The following OR10AD1 variants were observed in gnomAD, a reference collection of about 807,000 sequenced individuals.
OR10AD1 encodes the protein olfactory receptor family 10 subfamily AD member 1, also known as olfactory receptor 10AD1.
For missense variants in OR10AD1, 309 were observed against 192.7 expected, an observed-to-expected ratio of 1.60 and a Z score of -3.57; for synonymous variants, 115 against 72.2, an observed-to-expected ratio of 1.59 and a Z score of -3.00.
Position 48,202,524 on chromosome 12 carries a change from T to A in OR10AD1, c.769A>T (p.Met257Leu), listed in dbSNP as rs1012730751. The part of the protein sequence containing the change: ...TVVIFLYTSA[M>L]FSYMNPHSTH... ...CTGTGGGGGTTCATGTAAGAGAACATAGCTGAAGTGTAGAGAAAGATGACC... is the reference window on the plus strand; with the variant it reads ...CTGTGGGGGTTCATGTAAGAGAACAAAGCTGAAGTGTAGAGAAAGATGACC... The change falls in exon 1 of 1, where the codon ATG becomes TTG. Residue 257 changes from methionine to leucine, a missense_variant. Coordinates refer to ENST00000310248, the MANE Select transcript of OR10AD1 (RefSeq NM_001004134.1). The A allele has an allele frequency of 1.3e-6, 1 of 780,898 alleles. No homozygotes were observed. Among genetic ancestry groups the A allele is most frequent in the Non-Finnish European group, 2.4e-6 (1 of 418,110 alleles). 48.4% of individuals were successfully genotyped at this position (780,898 alleles called of 1,614,324 possible).
In OR10AD1 at chr12:48,202,597, G is replaced by C; in HGVS notation, c.696C>G (p.Ser232=). 1 of 781,076 alleles carries C rather than the reference G, an allele frequency of 1.3e-6. No individual in the cohort carries two copies. 48.4% of individuals were successfully genotyped at this position (781,076 alleles called of 1,614,324 possible). The change falls in exon 1 of 1, where the codon TCC becomes TCG. Residue 232 remains serine (S), a synonymous_variant. Coordinates refer to ENST00000310248, the MANE Select transcript of OR10AD1 (RefSeq NM_001004134.1). ...ILATILSKAS[S]SGRGKTFSTC... ...TAGAGAAAGTCTTCCCCCGACCTGA[G>C]GAGGAGGCTTTGCTGAGGATGGTGG...
Position 48,202,775 on chromosome 12 carries a change from T to C in OR10AD1, c.518A>G (p.Asn173Ser), listed in dbSNP as rs373178248. ...ISFREPFRRDNHIESFFCEAP... is the reference protein window; with the variant it reads ...ISFREPFRRDSHIESFFCEAP... The stretch of plus-strand genomic sequence containing the variant: ...CTCACAGAAGAAGCTTTCTATGTGG[T>C]TGTCTCTGCGGAAGGGCTCTCGGAA... Residue 173 changes from asparagine (N) to serine (S), a missense_variant, in exon 1 of 1, where the codon AAC becomes AGC. Asn to Ser is a conservative substitution (Grantham distance 46). Coordinates refer to ENST00000310248, the MANE Select transcript of OR10AD1 (RefSeq NM_001004134.1). The C allele has an allele frequency of 3.8e-6, 3 of 780,802 alleles. No homozygotes were observed. The East Asian group carries it at 7.3e-5, about 19-fold the overall frequency. The allele number at this position is 780,802 out of a possible 1,614,324, so 48.4% of individuals were successfully genotyped here.
rs373178248 is a variant in OR10AD1, at chr12:48,202,775, T to A, written c.518A>T (p.Asn173Ile). The change falls in exon 1 of 1, where the codon AAC becomes ATC. Residue 173 changes from asparagine to isoleucine, a missense_variant. Asn to Ile is a moderately radical substitution (Grantham distance 149). Transcript: ENST00000310248. ...CTCACAGAAGAAGCTTTCTATGTGG[T>A]TGTCTCTGCGGAAGGGCTCTCGGAA... is the stretch of plus-strand genomic sequence containing the variant. ...ISFREPFRRD[N>I]HIESFFCEAP... The A allele has an allele frequency of 2.7e-5, 21 of 780,802 alleles. No individual in the cohort carries two copies. Among genetic ancestry groups the A allele is most frequent in the Non-Finnish European group, 4.3e-5 (18 of 418,062 alleles). 48.4% of individuals were successfully genotyped at this position (780,802 alleles called of 1,614,324 possible). A position where few individuals can be genotyped will look rare whatever the true frequency, so the allele number is the denominator to read the frequency against.
At position 48,202,815 on chromosome 12, in the gene OR10AD1, G is replaced by C. The variant is rs1951603862; in HGVS notation, c.478C>G (p.Leu160Val). The C allele has an allele frequency of 1.3e-6, 1 of 780,896 alleles. No homozygotes were observed. Among genetic ancestry groups the C allele is most frequent in the African/African-American group, 1.7e-5 (1 of 59,158 alleles). 48.4% of individuals were successfully genotyped at this position (780,896 alleles called of 1,614,324 possible). A position where few individuals can be genotyped will look rare whatever the true frequency, so the allele number is the denominator to read the frequency against. Residue 160 changes from leucine (L) to valine (V), a missense_variant, in exon 1 of 1, where the codon CTC becomes GTC. Leu to Val is a conservative substitution (Grantham distance 32). Transcript: ENST00000310248. ...WFFGLINGIF[L>V]EYISFREPFR... ...GGCTCTCGGAATGAAATATACTCGA[G>C]AAAGATGCCATTGATCAGCCCAAAG...
At position 48,202,678 on chromosome 12, in the gene OR10AD1, G is replaced by T. The variant is rs556517896; in HGVS notation, c.615C>A (p.Ile205=). 9 of 780,946 alleles carry T rather than the reference G, an allele frequency of 1.2e-5. No individual in the cohort carries two copies. Among genetic ancestry groups the T allele is most frequent in the African/African-American group, 1.7e-5 (1 of 59,126 alleles). The allele number at this position is 780,946 out of a possible 1,614,324, so 48.4% of individuals were successfully genotyped here. The part of the protein sequence containing the change: ...FSLWAIFADA[I]VVILSPMVLT... ...GCACCATGGGGCTGAGAATTACCAC[G>T]ATGGCATCGGCAAAGATTGCCCACA... The change falls in exon 1 of 1, where the codon ATC becomes ATA. Residue 205 remains isoleucine (I), a synonymous_variant. Transcript: ENST00000310248.
Position 48,202,857 on chromosome 12 carries a change from C to T in OR10AD1, c.436G>A (p.Val146Met). Residue 146 changes from valine (V) to methionine (M), a missense_variant, in exon 1 of 1, where the codon GTG becomes ATG. By Grantham distance (21) the Val-to-Met change is conservative. Transcript: ENST00000310248. ...AGCCCAAAGAACCAGGCAGTTCCCACAAGCCTGACACAGACCTTCTGGCTT... is the reference window on the plus strand; with the variant it reads ...AGCCCAAAGAACCAGGCAGTTCCCATAAGCCTGACACAGACCTTCTGGCTT... ...IISQKVCVRL[V>M]GTAWFFGLIN... 1.3e-6 allele frequency: 1 copy of T among 781,068 alleles called. No homozygotes were observed. Among genetic ancestry groups the T allele is most frequent in the Non-Finnish European group, 2.4e-6 (1 of 418,106 alleles). 48.4% of individuals were successfully genotyped at this position (781,068 alleles called of 1,614,324 possible). A position where few individuals can be genotyped will look rare whatever the true frequency, so the allele number is the denominator to read the frequency against.
Position 48,203,024 on chromosome 12 carries a change from T to C in OR10AD1, c.269A>G (p.Asp90Gly), listed in dbSNP as rs1474224007. 1 of 780,884 alleles carries C rather than the reference T, an allele frequency of 1.3e-6. No homozygotes were observed. Among genetic ancestry groups the C allele is most frequent in the Non-Finnish European group, 2.4e-6 (1 of 418,100 alleles). 48.4% of individuals were successfully genotyped at this position (780,884 alleles called of 1,614,324 possible). Reference sequence around the variant, plus strand: ...GCAACATACAAAGGAGACAATGTGGTCCCTGACCACGAGGTGGATCAACAT... The same window carrying C: ...GCAACATACAAAGGAGACAATGTGGCCCCTGACCACGAGGTGGATCAACAT... The part of the protein sequence containing the change: ...PQMLIHLVVR[D>G]HIVSFVCCMT... Residue 90 changes from aspartate to glycine, a missense_variant, in exon 1 of 1, where the codon GAC becomes GGC. Asp to Gly is a moderately conservative substitution (Grantham distance 94). Transcript: ENST00000310248.
rs192721781 is a variant in OR10AD1 at position 48,203,280 on chromosome 12, C to T, written c.13G>A (p.Gly5Ser). The change falls in exon 1 of 1, where the codon GGC becomes AGC. Residue 5 changes from glycine to serine, a missense_variant. By Grantham distance (56) the Gly-to-Ser change is moderately conservative. Coordinates refer to ENST00000310248, the MANE Select transcript of OR10AD1 (RefSeq NM_001004134.1). ...AGGATAAATTCCGTCACTATGCTGC[C>T]ATTCCTTAGCATCTGGGGCCTGTTT... MLRN[G>S]SIVTEFILVG... 5.1e-6 allele frequency: 4 copies of T among 779,678 alleles called. No individual in the cohort carries two copies. The highest frequency in any genetic ancestry group is 1.7e-5 in the African/African-American group (1 of 59,242). 48.3% of individuals were successfully genotyped at this position (779,678 alleles called of 1,614,324 possible).
In OR10AD1 at chr12:48,202,865, A is replaced by G. The variant is rs1951604333; in HGVS notation, c.428T>C (p.Val143Ala). 1.3e-6 allele frequency: 1 copy of G among 781,100 alleles called. No individual in the cohort carries two copies. Among genetic ancestry groups the G allele is most frequent in the South Asian group, 1.3e-5 (1 of 74,620 alleles). The allele number at this position is 781,100 out of a possible 1,614,324, so 48.4% of individuals were successfully genotyped here. The change falls in exon 1 of 1, where the codon GTC becomes GCC. Residue 143 changes from valine (V) to alanine (A), a missense_variant. By Grantham distance (64) the Val-to-Ala change is moderately conservative (BLOSUM62 0). Coordinates refer to ENST00000310248, the MANE Select transcript of OR10AD1 (RefSeq NM_001004134.1). The part of the protein sequence containing the change: ...YVPIISQKVC[V>A]RLVGTAWFFG... Reference sequence around the variant, plus strand: ...GAACCAGGCAGTTCCCACAAGCCTGACACAGACCTTCTGGCTTATGATCGG... The same window carrying G: ...GAACCAGGCAGTTCCCACAAGCCTGGCACAGACCTTCTGGCTTATGATCGG...
rs1281578304 is a variant in OR10AD1 at position 48,202,812 on chromosome 12, C to G, written c.481G>C (p.Glu161Gln). 3.8e-6 allele frequency: 3 copies of G among 780,898 alleles called. No homozygotes were observed. The highest frequency in any genetic ancestry group is 7.2e-6 in the Non-Finnish European group (3 of 418,044). 48.4% of individuals were successfully genotyped at this position (780,898 alleles called of 1,614,324 possible). ...AAGGGCTCTCGGAATGAAATATACTCGAGAAAGATGCCATTGATCAGCCCA... is the reference window on the plus strand; with the variant it reads ...AAGGGCTCTCGGAATGAAATATACTGGAGAAAGATGCCATTGATCAGCCCA... ...FFGLINGIFL[E>Q]YISFREPFRR... The change falls in exon 1 of 1, where the codon GAG (glutamate) becomes CAG (glutamine). Residue 161 changes from glutamate (E) to glutamine (Q), a missense_variant. Physicochemically the swap from Glu to Gln is conservative, Grantham distance 29. Coordinates refer to ENST00000310248, the MANE Select transcript of OR10AD1 (RefSeq NM_001004134.1).
rs376346586 is a variant in OR10AD1 at position 48,202,602 on chromosome 12, A to G, written c.691T>C (p.Ser231Pro). 13 of 780,818 alleles carry G rather than the reference A, an allele frequency of 1.7e-5. No individual in the cohort carries two copies. Among genetic ancestry groups the G allele is most frequent in the South Asian group, 1.6e-4 (12 of 74,622 alleles). 48.4% of individuals were successfully genotyped at this position (780,818 alleles called of 1,614,324 possible). ...AAAGTCTTCCCCCGACCTGAGGAGG[A>G]GGCTTTGCTGAGGATGGTGGCCAGG... Reference protein sequence around the residue: ...HILATILSKASSSGRGKTFST... With the variant: ...HILATILSKAPSSGRGKTFST... The change falls in exon 1 of 1, where the codon TCC (serine) becomes CCC (proline). Residue 231 changes from serine (S) to proline (P), a missense_variant. Ser to Pro is a moderately conservative substitution (Grantham distance 74, BLOSUM62 -1). Coordinates refer to ENST00000310248, the MANE Select transcript of OR10AD1 (RefSeq NM_001004134.1).
At position 48,202,807 on chromosome 12, in the gene OR10AD1, A is replaced by C. The variant is rs150603860; in HGVS notation, c.486T>G (p.Tyr162Ter). The C allele has an allele frequency of 1.5e-3, 1,192 of 780,964 alleles. 4 individuals carry two copies. The highest frequency in any genetic ancestry group is 2.7e-3 in the South Asian group (200 of 74,604). 48.4% of individuals were successfully genotyped at this position (780,964 alleles called of 1,614,324 possible). The change falls in exon 1 of 1, where the codon TAT (tyrosine) becomes TAG (stop). Residue 162 changes from tyrosine (Y) to a stop codon, truncating the protein, a stop_gained. Transcript: ENST00000310248. LOFTEE classifies it low-confidence loss of function (END_TRUNC). ...FGLINGIFLE[Y>*]ISFREPFRRD... is the part of the protein sequence containing the mutation. ...TGCGGAAGGGCTCTCGGAATGAAAT[A>C]TACTCGAGAAAGATGCCATTGATCA...
rs1210110598 is a variant in OR10AD1 at position 48,203,040 on chromosome 12, G to C, written c.253C>G (p.His85Asp). 1.3e-6 allele frequency: 1 copy of C among 780,906 alleles called. No individual in the cohort carries two copies. The highest frequency in any genetic ancestry group is 2.4e-6 in the Non-Finnish European group (1 of 418,100). The allele number at this position is 780,906 out of a possible 1,614,324, so 48.4% of individuals were successfully genotyped here. ...ACAATGTGGTCCCTGACCACGAGGT[G>C]GATCAACATCTGTGGGATGGTAGTG... ...ITTTIPQMLI[H>D]LVVRDHIVSF... Residue 85 changes from histidine (H) to aspartate (D), a missense_variant, in exon 1 of 1, where the codon CAC becomes GAC. By Grantham distance (81) the His-to-Asp change is moderately conservative (BLOSUM62 -1). Transcript: ENST00000310248.
chr12:48,203,273 A>G lies in OR10AD1; in HGVS notation c.20T>C (p.Ile7Thr), dbSNP rs374386077. ...GCCCACGAGGATAAATTCCGTCACT[A>G]TGCTGCCATTCCTTAGCATCTGGGG... MLRNGS[I>T]VTEFILVGFQ... is the part of the protein sequence containing the mutation. Residue 7 changes from isoleucine (I) to threonine (T), a missense_variant, in exon 1 of 1, where the codon ATA (isoleucine) becomes ACA (threonine). Ile to Thr is a moderately conservative substitution (Grantham distance 89). Transcript: ENST00000310248. 139 of 780,410 alleles carry G rather than the reference A, an allele frequency of 1.8e-4. 1 individual carries two copies. The highest frequency in any genetic ancestry group is 3.1e-5 in the Non-Finnish European group (13 of 417,982). The allele number at this position is 780,410 out of a possible 1,614,324, so 48.3% of individuals were successfully genotyped here.
In OR10AD1 at chr12:48,202,615, G is replaced by C. The variant is rs755900664; in HGVS notation, c.678C>G (p.Ile226Met). The C allele has an allele frequency of 1.3e-6, 1 of 781,044 alleles. No homozygotes were observed. Among genetic ancestry groups the C allele is most frequent in the Non-Finnish European group, 2.4e-6 (1 of 418,118 alleles). The allele number at this position is 781,044 out of a possible 1,614,324, so 48.4% of individuals were successfully genotyped here. A position where few individuals can be genotyped will look rare whatever the true frequency, so the allele number is the denominator to read the frequency against. ...VTSYVHILAT[I>M]LSKASSSGRG... is the part of the protein sequence containing the mutation. The stretch of plus-strand genomic sequence containing the variant: ...GACCTGAGGAGGAGGCTTTGCTGAG[G>C]ATGGTGGCCAGGATGTGCACATAGG... The change falls in exon 1 of 1, where the codon ATC becomes ATG. Residue 226 changes from isoleucine (I) to methionine (M), a missense_variant. Coordinates refer to ENST00000310248, the MANE Select transcript of OR10AD1 (RefSeq NM_001004134.1).
At position 48,203,059 on chromosome 12, in the gene OR10AD1, GGTA is replaced by G. The variant is rs764827363; in HGVS notation, c.231_233del (p.Thr78del). On this transcript the variant is annotated inframe_deletion, in exon 1 of 1. Transcript: ENST00000310248. ...CGAGGTGGATCAACATCTGTGGGATGGTAGTGGTGATGAAGCAGACATCCAGGA... is the reference window on the plus strand; with the variant it reads ...CGAGGTGGATCAACATCTGTGGGATGGTGGTGATGAAGCAGACATCCAGGA... 4 of 780,678 alleles carry G rather than the reference GGTA, an allele frequency of 5.1e-6. No individual in the cohort carries two copies. In the East Asian group the frequency reaches 7.3e-5, roughly 14 times the overall value. 48.4% of individuals were successfully genotyped at this position (780,678 alleles called of 1,614,324 possible). A position where few individuals can be genotyped will look rare whatever the true frequency, so the allele number is the denominator to read the frequency against.
At position 48,202,870 on chromosome 12, in the gene OR10AD1, G is replaced by A; in HGVS notation, c.423C>T (p.Val141=). The A allele has an allele frequency of 1.3e-6, 1 of 781,064 alleles. No individual in the cohort carries two copies. Among genetic ancestry groups the A allele is most frequent in the Non-Finnish European group, 2.4e-6 (1 of 418,114 alleles). 48.4% of individuals were successfully genotyped at this position (781,064 alleles called of 1,614,324 possible). The change falls in exon 1 of 1, where the codon GTC becomes GTT. Residue 141 remains valine, a synonymous_variant. Coordinates refer to ENST00000310248, the MANE Select transcript of OR10AD1 (RefSeq NM_001004134.1). ...LNYVPIISQK[V]CVRLVGTAWF... ...AGGCAGTTCCCACAAGCCTGACACA[G>A]ACCTTCTGGCTTATGATCGGGACAT...
chr12:48,203,237 C>T lies in OR10AD1; in HGVS notation c.56G>A (p.Ser19Asn), dbSNP rs748808649. Residue 19 changes from serine (S) to asparagine (N), a missense_variant, in exon 1 of 1, where the codon AGC becomes AAC. Transcript: ENST00000310248. ...GAGCAATGCTCGTGTGGAAGTGGAG[C>T]TCTGCTGAAAGCCCACGAGGATAAA... ...TEFILVGFQQ[S>N]STSTRALLFA... 1 of 781,038 alleles carries T rather than the reference C, an allele frequency of 1.3e-6. No individual in the cohort carries two copies. The highest frequency in any genetic ancestry group is 2.4e-6 in the Non-Finnish European group (1 of 418,140). 48.4% of individuals were successfully genotyped at this position (781,038 alleles called of 1,614,324 possible). A position where few individuals can be genotyped will look rare whatever the true frequency, so the allele number is the denominator to read the frequency against.
In OR10AD1 at chr12:48,203,004, A is replaced by G. The variant is rs149048585; in HGVS notation, c.289T>C (p.Cys97Arg). ...ACAAAGTACATCTGGGTCATGCAAC[A>G]TACAAAGGAGACAATGTGGTCCCTG... is the stretch of plus-strand genomic sequence containing the variant. Reference protein sequence around the residue: ...VVRDHIVSFVCCMTQMYFVFC... With the variant: ...VVRDHIVSFVRCMTQMYFVFC... Residue 97 changes from cysteine (C) to arginine (R), a missense_variant, in exon 1 of 1, where the codon TGT becomes CGT. Cys to Arg is a radical substitution (Grantham distance 180). Transcript: ENST00000310248. 1.3e-6 allele frequency: 1 copy of G among 781,090 alleles called. No individual in the cohort carries two copies. The highest frequency in any genetic ancestry group is 1.7e-5 in the Admixed American group (1 of 59,028). 48.4% of individuals were successfully genotyped at this position (781,090 alleles called of 1,614,324 possible).
Sources: allele counts gnomAD v4.1 joint callset, GRCh38; gene constraint gnomAD v4.1.1; transcripts MANE v1.5; gene names NCBI Gene and HGNC (gene_info 2026-07-23, HGNC 2026-07-21).